The following GRIK3 variants were observed in gnomAD, a reference collection of about 807,000 sequenced individuals.
GRIK3 encodes the protein glutamate ionotropic receptor kainate type subunit 3.
Under a neutral mutation model 102.5 loss-of-function variants are expected in GRIK3, and 29 were observed. That is an observed-to-expected ratio of 0.28 (90% CI 0.21 to 0.39). The LOEUF (loss-of-function observed/expected upper bound fraction) is 0.39, where lower values mean the gene tolerates loss of function less well. GRIK3 is among the 10% of genes least tolerant of loss of function. GRIK3 has a pLI of 1.00. For missense variants in GRIK3, 908 were observed against 1,252.4 expected (o/e 0.73, Z 4.15); for synonymous variants, 511 against 504.9 (o/e 1.01, Z -0.16).
At chr1:37,005,915 T>A (rs1048792550) in intron 1 of GRIK3, among the ~76,000 whole-genome samples, 1 of 152,088 alleles carries the variant, frequency 6.6e-6, no homozygotes, top group Admixed American at 6.5e-5. Flanking sequence ...AAGGCTGGAC[T>A]TCATCTTATA....
intron 1 of GRIK3, among the ~76,000 whole-genome samples, chr1:36,975,281 A>G: frequency 8.0e-6 from 1 of 125,318 alleles, no homozygotes; most frequent in African/African-American, 3.4e-5. Context: ...GAGCTTATCT[A>G]AAGTTGGTTT....
chr1:36,850,555 C>T lies in GRIK3; in HGVS notation c.1213-131G>A. The stretch of plus-strand genomic sequence containing the variant: ...GTCATGATCATCATCATCATCACCA[C>T]TGCCATTGTGTTTCCAGTTATAACC... On this transcript the variant is annotated intron_variant, in intron 8 of 15. Transcript: ENST00000373091. The surrounding 1 kb of genome is among the most constrained non-coding windows in gnomAD (Gnocchi z 4.0). 1.5e-6 allele frequency: 1 copy of T among 657,254 alleles called. No individual in the cohort carries two copies. Among genetic ancestry groups the T allele is most frequent in the African/African-American group, 1.8e-5 (1 of 56,620 alleles). The allele number at this position is 657,254 out of a possible 1,614,324, so 40.7% of individuals were successfully genotyped here.
intron 1 of GRIK3, among the ~76,000 whole-genome samples, chr1:37,028,366 T>C (rs914424478): frequency 3.3e-5 from 5 of 152,032 alleles, no homozygotes; most frequent in Non-Finnish European, 5.9e-5. Flanking sequence ...GTCCTTTATT[T>C]AGGGCTTAGA....
intron 14 of GRIK3, among the ~76,000 whole-genome samples, chr1:36,805,774 T>C (rs916746257): frequency 6.6e-6 from 1 of 150,688 alleles, no homozygotes; most frequent in Non-Finnish European, 1.5e-5. Flanking sequence ...CCGTCTCTAC[T>C]AAAAATACAA....
chr1:36,932,913 G>C (rs944047544), intron 1 of GRIK3, among the ~76,000 whole-genome samples: 1 of 152,176 alleles, frequency 6.6e-6, no homozygotes, highest in Non-Finnish European at 1.5e-5. Flanking sequence ...TGGAATAATG[G>C]AGGGAGGAAG....
At chr1:36,828,686 C>T (rs1642782032) in intron 10 of GRIK3, among the ~76,000 whole-genome samples, 1 of 152,244 alleles carries the variant, frequency 6.6e-6, no homozygotes, top group Admixed American at 6.5e-5. Flanking sequence ...TCTGTCCTCA[C>T]TCCAAAGTCA....
chr1:36,848,076 C>T (rs188413634), intron 9 of GRIK3, among the ~76,000 whole-genome samples: 3 of 152,326 alleles, frequency 2.0e-5, no homozygotes. Flanking sequence ...AAGCTGTAAG[C>T]ACTCACAGGT....
intron 5 of GRIK3, among the ~76,000 whole-genome samples, chr1:36,864,783 C>T (rs1046231885): frequency 1.3e-5 from 2 of 151,934 alleles, no homozygotes; most frequent in Admixed American, 6.5e-5. Flanking sequence ...CCCCCATCCC[C>T]GTGATACGAG....
At position 36,830,810 on chromosome 1, in the gene GRIK3, CAAAAAAA is replaced by C. The variant is rs948901521; in HGVS notation, c.1531-4991_1531-4985del. ...TGGGTGACAGAGCGAGACTCTGTCT[CAAAAAAA>C]AAAAAAAAAAAAAAAAAAAGAAAAG... On this transcript the variant is annotated intron_variant, in intron 10 of 15. Coordinates refer to ENST00000373091, the MANE Select transcript of GRIK3 (RefSeq NM_000831.4). Among the ~76,000 whole-genome samples, 116 of 41,354 alleles carry C rather than the reference CAAAAAAA, an allele frequency of 2.8e-3. 1 individual carries two copies. The highest frequency in any genetic ancestry group is 0.021 in the Middle Eastern group (1 of 48). The allele number at this position is 41,354 out of a possible 152,430, so 27.1% of individuals were successfully genotyped here.
intron 1 of GRIK3, among the ~76,000 whole-genome samples, chr1:36,949,001 G>A (rs1014105959): frequency 6.6e-6 from 1 of 152,198 alleles, no homozygotes; most frequent in African/African-American, 2.4e-5. Context: ...ACTGCTGGGT[G>A]GCTCAGACTG....
intron 3 of GRIK3, among the ~76,000 whole-genome samples, chr1:36,877,883 T>G (rs1640927231): frequency 6.6e-6 from 1 of 152,234 alleles, no homozygotes; most frequent in South Asian, 2.1e-4. Flanking sequence ...TATATGCCAT[T>G]TCATTCTTAG....
intron 1 of GRIK3, among the ~76,000 whole-genome samples, chr1:36,926,934 A>T (rs1416177329): frequency 6.6e-6 from 1 of 152,186 alleles, no homozygotes; most frequent in Non-Finnish European, 1.5e-5. Context: ...GTGACCCTCT[A>T]ATACTAGAAT....
chr1:36,965,134 G>T (rs1642065573), intron 1 of GRIK3, among the ~76,000 whole-genome samples: 1 of 152,032 alleles, frequency 6.6e-6, no homozygotes, highest in Non-Finnish European at 1.5e-5. Context: ...TATGACTTTG[G>T]GCAAGTCACT....
At chr1:36,881,584 C>T (rs1033192876) in intron 2 of GRIK3, among the ~76,000 whole-genome samples, 4 of 152,148 alleles carry the variant, frequency 2.6e-5, no homozygotes, top group Non-Finnish European at 4.4e-5. Context: ...GACCACTTCC[C>T]GCCACTCCCA....
intron 1 of GRIK3, among the ~76,000 whole-genome samples, chr1:37,023,473 C>G (rs185071599): frequency 7.8e-4 from 118 of 152,240 alleles, no homozygotes; most frequent in African/African-American, 2.4e-3. Context: ...GAGGGACAGT[C>G]TATGAGTCCA....
intron 13 of GRIK3, among the ~76,000 whole-genome samples, chr1:36,814,482 T>G: frequency 6.8e-6 from 1 of 146,428 alleles, no homozygotes; most frequent in Non-Finnish European, 1.5e-5. Flanking sequence ...TTCATATGCA[T>G]GCATGGACCA....
intron 13 of GRIK3, among the ~76,000 whole-genome samples, chr1:36,816,488 T>C (rs1642632789): frequency 6.6e-6 from 1 of 152,108 alleles, no homozygotes; most frequent in South Asian, 2.1e-4. Context: ...AGCAATGAAA[T>C]CATGGCCAGA....
intron 7 of GRIK3, among the ~76,000 whole-genome samples, chr1:36,855,421 C>T (rs890702029): frequency 2.0e-5 from 3 of 152,214 alleles, no homozygotes; most frequent in Non-Finnish European, 4.4e-5. Context: ...AACCCTTAGA[C>T]ATCTCCAAGC....
Position 36,797,860 on chromosome 1 carries a change from T to A in GRIK3, c.*3991A>T, listed in dbSNP as rs1208424181. The A allele has an allele frequency of 6.6e-6, 1 of 152,302 alleles. No individual in the cohort carries two copies. Among genetic ancestry groups the A allele is most frequent in the Non-Finnish European group, 1.5e-5 (1 of 68,144 alleles). 9.4% of individuals were successfully genotyped at this position (152,302 alleles called of 1,614,324 possible). On this transcript the variant is annotated 3_prime_UTR_variant, in exon 16 of 16. Coordinates refer to ENST00000373091, the MANE Select transcript of GRIK3 (RefSeq NM_000831.4). ...GGAGCTTTTGATCGTTCTTGGTGAG[T>A]GCACGCCTGGTGGAGGGGAGCAACT...
Sources: gnomAD v4.1 joint callset for allele counts (sites outside exome capture counted in the v4.1 genomes callset) on GRCh38, gnomAD v4.1.1 for gene constraint, Gnocchi (gnomAD v3.1) non-coding constraint, MANE v1.5 for transcripts, NCBI Gene and HGNC (gene_info 2026-07-23, HGNC 2026-07-21) for gene names.